Variants in ZFAND3 observed in about 807,000 individuals in gnomAD.
ZFAND3 encodes the protein zinc finger AN1-type containing 3.
A neutral mutation model predicts 29.6 loss-of-function variants in ZFAND3; 10 were observed. The ratio of observed to expected loss-of-function variants is 0.34; its 90% confidence interval spans 0.21 to 0.57. The LOEUF (loss-of-function observed/expected upper bound fraction) is 0.57. Among genes scored for constraint, ZFAND3 ranks in the 20% least tolerant of loss-of-function variants. The pLI is 0.86. For missense variants in ZFAND3, 230 were observed against 304.5 expected, an observed-to-expected ratio of 0.76 and a Z score of 1.82; for synonymous variants, 128 against 112.6, an observed-to-expected ratio of 1.14 and a Z score of -0.87.
At chr6:38,105,645 A>G (rs536813943) in intron 4 of ZFAND3, among the ~76,000 whole-genome samples, 13 of 152,324 alleles carry the variant, frequency 8.5e-5, no homozygotes, top group African/African-American at 3.1e-4. Context: ...GATGGTATCC[A>G]TATCAGTATC....
At chr6:38,009,904 T>G (rs1311485133) in intron 2 of ZFAND3, among the ~76,000 whole-genome samples, 1 of 152,202 alleles carries the variant, frequency 6.6e-6, no homozygotes, top group Admixed American at 6.5e-5. Flanking sequence ...GCCTTTTTGC[T>G]GAAATGAGAA....
intron 1 of ZFAND3, among the ~76,000 whole-genome samples, chr6:37,845,753 A>C (rs1764166999): frequency 6.6e-6 from 1 of 152,122 alleles, no homozygotes; most frequent in African/African-American, 2.4e-5. Context: ...TCTTAGATAA[A>C]ATGTTTGTAA....
At chr6:38,043,273 G>A (rs557168852) in intron 2 of ZFAND3, among the ~76,000 whole-genome samples, 1 of 147,886 alleles carries the variant, frequency 6.8e-6, no homozygotes, top group East Asian at 2.0e-4. Context: ...GAGCCACCAT[G>A]CCCAGCCCTC....
chr6:37,916,252 T>G (rs188690880), intron 1 of ZFAND3, among the ~76,000 whole-genome samples: 1 of 152,124 alleles, frequency 6.6e-6, no homozygotes, highest in Non-Finnish European at 1.5e-5. Context: ...GAAACAGATA[T>G]GAAGTAAGCA....
At chr6:37,837,494 G>A (rs531136330) in intron 1 of ZFAND3, among the ~76,000 whole-genome samples, 2 of 148,776 alleles carry the variant, frequency 1.3e-5, no homozygotes, top group East Asian at 2.0e-4. Context: ...TCCTTTTAAT[G>A]TATAGATAGT....
At chr6:37,822,260 C>T (rs569728528) in intron 1 of ZFAND3, among the ~76,000 whole-genome samples, 5 of 152,302 alleles carry the variant, frequency 3.3e-5, no homozygotes, top group South Asian at 2.1e-4. Context: ...TAGATATTTT[C>T]AGTCTGATAC....
chr6:37,916,082 T>TA (rs1284577304), intron 1 of ZFAND3, among the ~76,000 whole-genome samples: 71 of 113,114 alleles, frequency 6.3e-4, no homozygotes, highest in African/African-American at 2.6e-3. Context: ...GTGTTTTTTT[T>TA]AACTTAAAAA....
chr6:37,837,945 T>TA (rs961109963), intron 1 of ZFAND3, among the ~76,000 whole-genome samples: 1 of 152,246 alleles, frequency 6.6e-6, no homozygotes, highest in Non-Finnish European at 1.5e-5. Flanking sequence ...AACTTGATGT[T>TA]ACTTTATTTT....
chr6:37,994,739 G>A (rs1762820815), intron 2 of ZFAND3, among the ~76,000 whole-genome samples: 1 of 152,142 alleles, frequency 6.6e-6, no homozygotes, highest in South Asian at 2.1e-4. Flanking sequence ...TTATTTTGTG[G>A]CTCACTAGAG....
At chr6:38,107,685 T>C (rs1202555513) in intron 4 of ZFAND3, among the ~76,000 whole-genome samples, 1 of 151,980 alleles carries the variant, frequency 6.6e-6, no homozygotes, top group Non-Finnish European at 1.5e-5. Context: ...TACAAAAAAT[T>C]AGCCAGGCGT....
At position 37,864,456 on chromosome 6, in the gene ZFAND3, A is replaced by G. The variant is rs912753538; in HGVS notation, c.71+44440A>G. Among the ~76,000 whole-genome samples the G allele has an allele frequency of 1.4e-4, 21 of 152,168 alleles. 1 individual carries two copies. Among genetic ancestry groups the G allele is most frequent in the Admixed American group, 3.3e-4 (5 of 15,268 alleles). On this transcript the variant is annotated intron_variant, in intron 1 of 5. Coordinates refer to ENST00000287218, the MANE Select transcript of ZFAND3 (RefSeq NM_021943.3). Reference sequence around the variant, plus strand: ...CAGATAAACTTCTCCATAATTGCACACTTATCTGGGGATCTGAGATAAGCA... The same window carrying G: ...CAGATAAACTTCTCCATAATTGCACGCTTATCTGGGGATCTGAGATAAGCA...
intron 2 of ZFAND3, among the ~76,000 whole-genome samples, chr6:38,029,862 ATGTT>A (rs1227243528): frequency 6.6e-6 from 1 of 152,056 alleles, no homozygotes; most frequent in South Asian, 2.1e-4. Context: ...CATTGCTACT[ATGTT>A]TGTTTTAAGC....
At chr6:38,148,336 C>T (rs1335286179) in intron 5 of ZFAND3, among the ~76,000 whole-genome samples, 2 of 152,184 alleles carry the variant, frequency 1.3e-5, no homozygotes, top group Non-Finnish European at 2.9e-5. Flanking sequence ...AAAAGAATTA[C>T]ATGCTACCCT....
At chr6:38,144,210 T>TATATATAA (rs1165917870) in intron 5 of ZFAND3, among the ~76,000 whole-genome samples, 3 of 37,062 alleles carry the variant, frequency 8.1e-5, no homozygotes, top group South Asian at 5.5e-4. Context: ...TATATATATA[T>TATATATAA]AATATATAAT....
intron 5 of ZFAND3, among the ~76,000 whole-genome samples, chr6:38,145,744 G>A (rs189175310): frequency 6.6e-6 from 1 of 152,248 alleles, no homozygotes; most frequent in African/African-American, 2.4e-5. Flanking sequence ...GCATCTTCAG[G>A]TTTATGTGGC....
chr6:38,112,439 G>A (rs1765338319), intron 4 of ZFAND3, among the ~76,000 whole-genome samples: 6 of 150,548 alleles, frequency 4.0e-5, no homozygotes, highest in Admixed American at 4.0e-4. Flanking sequence ...CGCTGCTTCT[G>A]ACAGTTAAAG....
intron 2 of ZFAND3, among the ~76,000 whole-genome samples, chr6:38,011,173 A>G (rs1763145987): frequency 6.6e-6 from 1 of 151,940 alleles, no homozygotes; most frequent in South Asian, 2.1e-4. Flanking sequence ...ATTGCTTTCC[A>G]TTGCATAAAT....
rs1581836250 is a variant in ZFAND3 at position 38,010,258 on chromosome 6, G to A, written c.113-51335G>A. Among the ~76,000 whole-genome samples the A allele has an allele frequency of 2.0e-5, 3 of 152,136 alleles. No individual in the cohort carries two copies. In the South Asian group the frequency reaches 6.2e-4, roughly 32 times the overall value. ...AATGAACCTAGCATGCATAGCTTTG[G>A]GATGTGGGAAGAGTACGCAGAAAAA... is the stretch of plus-strand genomic sequence containing the variant. On this transcript the variant is annotated intron_variant, in intron 2 of 5. Coordinates refer to ENST00000287218, the MANE Select transcript of ZFAND3 (RefSeq NM_021943.3).
chr6:37,908,708 T>C (rs943072285), intron 1 of ZFAND3, among the ~76,000 whole-genome samples: 2 of 144,994 alleles, frequency 1.4e-5, no homozygotes, highest in African/African-American at 5.1e-5. Context: ...CTTTGCAATA[T>C]CCTTTATAAT....
Sources: gnomAD v4.1 joint callset for allele counts (sites outside exome capture counted in the v4.1 genomes callset) on GRCh38, gnomAD v4.1.1 for gene constraint, MANE v1.5 for transcripts, NCBI Gene and HGNC (gene_info 2026-07-23, HGNC 2026-07-21) for gene names.